PTBP2: variants seen among roughly 807,000 people sequenced by gnomAD.
PTBP2 encodes the protein polypyrimidine tract-binding protein 2.
Under a neutral mutation model 61.4 loss-of-function variants are expected in PTBP2, and 13 were observed. That is an observed-to-expected ratio of 0.21 (90% CI 0.14 to 0.34). PTBP2 has a LOEUF of 0.34. Ranked by LOEUF, PTBP2 falls within the 10% of genes least tolerant of loss-of-function variation. PTBP2 has a pLI of 1.00. For missense variants in PTBP2, 405 were observed against 642.6 expected (o/e 0.63, Z 4.00); for synonymous variants, 215 against 218.5 (o/e 0.98, Z 0.14).
chr1:96,723,620 G>C, intron 2 of PTBP2, 26 bp downstream of exon 2: 2 of 1,549,112 alleles, frequency 1.3e-6, no homozygotes, highest in Non-Finnish European at 1.8e-6. Context: ...GTTTGAAACT[G>C]GGATTGTTGG....
intron 2 of PTBP2, among the ~76,000 whole-genome samples, chr1:96,731,179 T>G (rs763342542): frequency 6.6e-6 from 1 of 152,200 alleles, no homozygotes; most frequent in East Asian, 1.9e-4. Context: ...TTTGTTGTTA[T>G]AACATGTGGA....
intron 11 of PTBP2, among the ~76,000 whole-genome samples, chr1:96,809,362 A>G (rs1194408091): frequency 6.6e-6 from 1 of 152,224 alleles, no homozygotes; most frequent in Non-Finnish European, 1.5e-5. Context: ...ATACTAAACC[A>G]TAAAGCAAGC....
chr1:96,772,858 A>G (rs1215077785), intron 5 of PTBP2, among the ~76,000 whole-genome samples: 6 of 152,030 alleles, frequency 3.9e-5, no homozygotes, highest in Non-Finnish European at 7.4e-5. Flanking sequence ...TATACTGGTA[A>G]TCCCAGCACT....
chr1:96,722,442 G>A (rs968865745), intron 1 of PTBP2, among the ~76,000 whole-genome samples: 8 of 151,920 alleles, frequency 5.3e-5, no homozygotes, highest in African/African-American at 1.9e-4. Context: ...CGCTGGGGAA[G>A]GGGGGAGGGC....
At chr1:96,764,479 A>G (rs890875825) in intron 3 of PTBP2, among the ~76,000 whole-genome samples, 1 of 152,216 alleles carries the variant, frequency 6.6e-6, no homozygotes, top group African/African-American at 2.4e-5. Context: ...CCCTTTAGGT[A>G]TACATATTTC....
intron 5 of PTBP2, among the ~76,000 whole-genome samples, chr1:96,772,065 G>C (rs1256014674): frequency 6.6e-6 from 1 of 152,008 alleles, no homozygotes; most frequent in Non-Finnish European, 1.5e-5. Context: ...CTGTCTGCCG[G>C]GAGATAGCAT....
intron 2 of PTBP2, among the ~76,000 whole-genome samples, chr1:96,741,896 G>A (rs978259119): frequency 3.3e-5 from 5 of 152,046 alleles, no homozygotes; most frequent in African/African-American, 9.7e-5. Context: ...AGCTCTTCAG[G>A]TTTCCGTATA....
At chr1:96,770,635 T>A in intron 4 of PTBP2, 73 bp from the exon 5 acceptor site, 1 of 1,239,114 alleles carries the variant, frequency 8.1e-7, no homozygotes, top group Non-Finnish European at 1.2e-6. Context: ...ATTAAAATCA[T>A]CTGAATAGAT....
At chr1:96,726,341 C>T (rs1243136490) in intron 2 of PTBP2, among the ~76,000 whole-genome samples, 16 of 147,402 alleles carry the variant, frequency 1.1e-4, no homozygotes, top group Non-Finnish European at 2.1e-4. Context: ...GGCATGATCT[C>T]GGCTTACTGC....
chr1:96,788,418 TCA>T (rs1294113627), intron 8 of PTBP2, among the ~76,000 whole-genome samples: 3 of 152,130 alleles, frequency 2.0e-5, no homozygotes, highest in African/African-American at 4.8e-5. Flanking sequence ...TATTTTGATC[TCA>T]GTTTCCACTT....
At chr1:96,772,295 A>G (rs920393916) in intron 5 of PTBP2, among the ~76,000 whole-genome samples, 38 of 152,170 alleles carry the variant, frequency 2.5e-4, no homozygotes, top group African/African-American at 8.9e-4. Flanking sequence ...TAAGCCTCTA[A>G]TCATGCCTTG....
chr1:96,787,908 A>G (rs1659382736), intron 8 of PTBP2, among the ~76,000 whole-genome samples: 1 of 152,140 alleles, frequency 6.6e-6, no homozygotes, highest in South Asian at 2.1e-4. Context: ...ATTTTCTTAG[A>G]CTAGATTCCT....
chr1:96,760,364 A>G (rs1288632178), intron 3 of PTBP2, among the ~76,000 whole-genome samples: 1 of 152,098 alleles, frequency 6.6e-6, no homozygotes, highest in Non-Finnish European at 1.5e-5. Context: ...TAGATTGGCA[A>G]TACCGAATGT....
At chr1:96,773,999 G>C in intron 5 of PTBP2, among the ~76,000 whole-genome samples, 1 of 150,832 alleles carries the variant, frequency 6.6e-6, no homozygotes, top group Non-Finnish European at 1.5e-5. Context: ...GGTACCAGCA[G>C]GGCACTTTGG....
intron 2 of PTBP2, among the ~76,000 whole-genome samples, chr1:96,734,147 T>G (rs1276396807): frequency 6.6e-6 from 1 of 152,194 alleles, no homozygotes; most frequent in South Asian, 2.1e-4. Context: ...ATAATGAATT[T>G]TAGACACAAT....
intron 3 of PTBP2, among the ~76,000 whole-genome samples, chr1:96,758,630 G>A (rs1655432758): frequency 6.6e-6 from 1 of 152,060 alleles, no homozygotes; most frequent in Non-Finnish European, 1.5e-5. Flanking sequence ...GAAGAAAGAA[G>A]AATTTCTCTC....
intron 5 of PTBP2, among the ~76,000 whole-genome samples, chr1:96,773,409 A>G (rs1048800863): frequency 2.6e-5 from 4 of 152,146 alleles, no homozygotes; most frequent in African/African-American, 9.7e-5. Context: ...CCTTAACAAC[A>G]GTACTTTGAG....
intron 11 of PTBP2, among the ~76,000 whole-genome samples, chr1:96,811,961 G>T (rs566577211): frequency 3.3e-5 from 5 of 152,252 alleles, no homozygotes; most frequent in Admixed American, 3.3e-4. Context: ...CAAAGGTTTG[G>T]ATTTTGGAAT....
exon 14 of PTBP2, chr1:96,823,055 G>A (rs1175395230): frequency 6.6e-6 from 1 of 152,204 alleles, no homozygotes; most frequent in East Asian, 1.9e-4. Context: ...CCGCCTCCCG[G>A]GTTCAAGCAA....
Sources: gnomAD v4.1 joint callset for allele counts (sites outside exome capture counted in the v4.1 genomes callset) on GRCh38, gnomAD v4.1.1 for gene constraint, MANE v1.5 for transcripts, NCBI Gene and HGNC (gene_info 2026-07-23, HGNC 2026-07-21) for gene names.